Variants in PTPRS observed in about 807,000 individuals in gnomAD.
PTPRS encodes protein tyrosine phosphatase receptor type S, also known as receptor-type tyrosine-protein phosphatase S.
A neutral mutation model predicts 215.3 loss-of-function variants in PTPRS; 63 were observed. The observed-to-expected ratio is 0.29, with a 90% CI of 0.24 to 0.36. The LOEUF (loss-of-function observed/expected upper bound fraction) is 0.36, where lower values mean the gene tolerates loss of function less well. Among genes scored for constraint, PTPRS ranks in the 10% least tolerant of loss-of-function variants. The pLI, the probability that PTPRS is intolerant of heterozygous loss-of-function variation, is 1.00. For synonymous variants in PTPRS, 1,404 were observed against 1,191.4 expected, an observed-to-expected ratio of 1.18 and a Z score of -3.68; for missense variants, 2,258 against 2,825.8, an observed-to-expected ratio of 0.80 and a Z score of 4.56.
At chr19:5,299,765 G>C (rs1378382511) in intron 1 of PTPRS, among the ~76,000 whole-genome samples, 1 of 152,078 alleles carries the variant, frequency 6.6e-6, no homozygotes, top group East Asian at 1.9e-4. Context: ...CCAGCTACTC[G>C]GGGCTGAGGC....
intron 1 of PTPRS, among the ~76,000 whole-genome samples, chr19:5,333,322 AAATAATAATAAT>A (rs35174348): frequency 7.0e-6 from 1 of 143,576 alleles, no homozygotes; most frequent in Non-Finnish European, 1.5e-5. Flanking sequence ...AAAAATAAAT[AAATAATAATAAT>A]AATAATAATA....
rs2049014956 is a variant in PTPRS, at chr19:5,293,496, C to T, written c.-94-7262G>A. Among the ~76,000 whole-genome samples the T allele has an allele frequency of 6.6e-6, 1 of 152,100 alleles. No individual in the cohort carries two copies. Among genetic ancestry groups the T allele is most frequent in the Admixed American group, 6.5e-5 (1 of 15,284 alleles). On this transcript the variant is annotated intron_variant, in intron 1 of 37. Transcript: ENST00000262963. The surrounding 1 kb of genome is among the most constrained non-coding windows in gnomAD (Gnocchi z 8.4). The stretch of plus-strand genomic sequence containing the variant: ...GGGGCGCCCCAGGGAGGGCACGACC[C>T]AAGACCCCTCCCTCCCGAAGACGTC...
chr19:5,309,989 C>T (rs1173200587), intron 1 of PTPRS, among the ~76,000 whole-genome samples: 1 of 152,158 alleles, frequency 6.6e-6, no homozygotes, highest in Admixed American at 6.5e-5. Context: ...GAGTAAACGC[C>T]CAAGTCCTCC....
At position 5,214,578 on chromosome 19, in the gene PTPRS, G is replaced by A. The variant is rs140208611; in HGVS notation, c.4477C>T (p.Leu1493=). The stretch of plus-strand genomic sequence containing the variant: ...AGGCTCACCCGTGACTTCTCCTCCA[G>A]CCGCGTCATCATGACGATGGTCGCC... ...RSATIVMMTR[L]EEKSRIKCDQ... Residue 1493 remains leucine (L), a synonymous_variant, in exon 29 of 38, where the codon CTG becomes TTG. Transcript: ENST00000262963. 6.2e-6 allele frequency: 10 copies of A among 1,611,644 alleles called. No individual in the cohort carries two copies. Among genetic ancestry groups the A allele is most frequent in the Non-Finnish European group, 7.6e-6 (9 of 1,178,574 alleles).
intron 1 of PTPRS, among the ~76,000 whole-genome samples, chr19:5,307,563 A>G (rs1230289385): frequency 1.3e-5 from 2 of 152,206 alleles, no homozygotes; most frequent in Non-Finnish European, 2.9e-5. Flanking sequence ...AGATGCTGCC[A>G]TTTGGTTAAA....
intron 32 of PTPRS, 54 bp downstream of exon 32, chr19:5,211,911 G>C (rs2040930035): frequency 1.3e-6 from 2 of 1,545,786 alleles, no homozygotes; most frequent in South Asian, 1.2e-5. Flanking sequence ...CTGATTTTCG[G>C]CTCTTTGGGC....
chr19:5,211,531 CT>C, intron 33 of PTPRS, 58 bp downstream of exon 33: 1 of 1,544,672 alleles, frequency 6.5e-7, no homozygotes. Context: ...CTGGAGGCCT[CT>C]TGAGAGTAGA....
intron 1 of PTPRS, among the ~76,000 whole-genome samples, chr19:5,333,326 AATAAT>A (rs1568624785): frequency 8.1e-5 from 4 of 49,238 alleles, no homozygotes; most frequent in Non-Finnish European, 2.1e-4. Flanking sequence ...ATAAATAAAT[AATAAT>A]AATAATAATA....
At chr19:5,300,897 A>G (rs1327557461) in intron 1 of PTPRS, among the ~76,000 whole-genome samples, 3 of 152,218 alleles carry the variant, frequency 2.0e-5, no homozygotes, top group Non-Finnish European at 4.4e-5. Flanking sequence ...TGCAGAGACT[A>G]GAGGTGCTGG....
intron 30 of PTPRS, among the ~76,000 whole-genome samples, chr19:5,213,968 A>G (rs1401108568): frequency 2.0e-5 from 3 of 152,208 alleles, no homozygotes; most frequent in Admixed American, 2.0e-4. Flanking sequence ...CAGGGCTGCC[A>G]ATATCTGTCC....
intron 3 of PTPRS, 32 bp from the exon 4 acceptor site, chr19:5,273,615 G>GAGGCTGGGGTCCCAGGAAGGTTCCTGTCT (rs1207673148): frequency 6.2e-7 from 1 of 1,613,240 alleles, no homozygotes; most frequent in Non-Finnish European, 8.5e-7. Flanking sequence ...AGAACAGAGT[G>GAGGCTGGGGTCCCAGGAAGGTTCCTGTCT]AGGCTGGGGT....
chr19:5,327,093 C>T (rs2050189219), intron 1 of PTPRS, among the ~76,000 whole-genome samples: 1 of 152,198 alleles, frequency 6.6e-6, no homozygotes, highest in Non-Finnish European at 1.5e-5. Flanking sequence ...CCAGCTCCTG[C>T]CAGCGTGGCA....
At chr19:5,238,738 T>TG (rs2043705908) in intron 13 of PTPRS, among the ~76,000 whole-genome samples, 181 bp downstream of exon 13, 1 of 152,114 alleles carries the variant, frequency 6.6e-6, no homozygotes, top group South Asian at 2.1e-4. Context: ...GCTGTGCTGA[T>TG]GGGGATACTG....
chr19:5,273,385 T>C lies in PTPRS; in HGVS notation c.379+57A>G, dbSNP rs186172284. ...TAACTTTCATGTATTCCTTTTGTGCTTGTCCCCAAAGCCCAGGGCCCAGTT... is the reference window on the plus strand; with the variant it reads ...TAACTTTCATGTATTCCTTTTGTGCCTGTCCCCAAAGCCCAGGGCCCAGTT... On this transcript the variant is annotated intron_variant, in intron 4 of 37. Coordinates refer to ENST00000262963, the MANE Select transcript of PTPRS (RefSeq NM_002850.4). The C allele has an allele frequency of 7.4e-6, 12 of 1,611,840 alleles. No individual in the cohort carries two copies. The East Asian group carries it at 2.7e-4, about 36-fold the overall frequency.
chr19:5,219,558 C>A, intron 22 of PTPRS, 91 bp from the exon 23 acceptor site: 1 of 1,422,562 alleles, frequency 7.0e-7, no homozygotes, highest in East Asian at 2.4e-5. Flanking sequence ...ACGTTTCTCC[C>A]CCGCTCTAGA....
intron 10 of PTPRS, 23 bp downstream of exon 10, chr19:5,245,753 C>T (rs1307829932): frequency 4.5e-6 from 7 of 1,544,946 alleles, no homozygotes; most frequent in East Asian, 2.3e-5. Flanking sequence ...CCTCCACCTA[C>T]GAGCCCCATG....
intron 1 of PTPRS, among the ~76,000 whole-genome samples, chr19:5,316,486 G>A (rs560292470): frequency 7.9e-5 from 12 of 152,202 alleles, no homozygotes; most frequent in Admixed American, 1.3e-4. Context: ...TCGGCCTCCC[G>A]GGTTCAAGCA....
rs146788599 is a variant in PTPRS, at chr19:5,271,378, A to G, written c.379+2064T>C. On this transcript the variant is annotated intron_variant, in intron 4 of 37. Coordinates refer to ENST00000262963, the MANE Select transcript of PTPRS (RefSeq NM_002850.4). Reference sequence around the variant, plus strand: ...CACGGAATTACCCCTTGTGGTGAGAACCATTATTACCCGATTTTTTTTTTT... The same window carrying G: ...CACGGAATTACCCCTTGTGGTGAGAGCCATTATTACCCGATTTTTTTTTTT... Among the ~76,000 whole-genome samples, 701 of 150,658 alleles carry G rather than the reference A, an allele frequency of 4.7e-3. 4 individuals are homozygous for G. The highest frequency in any genetic ancestry group is 0.017 in the African/African-American group (682 of 41,056).
rs1282834841 is a variant in PTPRS at position 5,294,591 on chromosome 19, C to G, written c.-94-8357G>C. On this transcript the variant is annotated intron_variant, in intron 1 of 37. Coordinates refer to ENST00000262963, the MANE Select transcript of PTPRS (RefSeq NM_002850.4). This position sits in a 1 kb window ranked among gnomAD's most constrained non-coding sequence, Gnocchi z 5.1. The stretch of plus-strand genomic sequence containing the variant: ...AGAAACAATTCCGCTCCCACGGCTC[C>G]CGTCCATGCCCTCCCACTGCTACCT... 1 of 152,170 alleles carries G rather than the reference C, an allele frequency of 6.6e-6. No individual in the cohort carries two copies. The highest frequency in any genetic ancestry group is 2.4e-5 in the African/African-American group (1 of 41,436). The allele number at this position is 152,170 out of a possible 1,614,324, so 9.4% of individuals were successfully genotyped here.
Sources: gnomAD v4.1 joint callset for allele counts (sites outside exome capture counted in the v4.1 genomes callset) on GRCh38, gnomAD v4.1.1 for gene constraint, Gnocchi (gnomAD v3.1) non-coding constraint, MANE v1.5 for transcripts, NCBI Gene and HGNC (gene_info 2026-07-23, HGNC 2026-07-21) for gene names.